Variants in FNIP1 observed in about 807,000 individuals in gnomAD.
The protein encoded by FNIP1 is folliculin-interacting protein 1.
Under a neutral mutation model 124.5 loss-of-function variants are expected in FNIP1, and 40 were observed. That is an observed-to-expected ratio of 0.32 (90% confidence interval 0.25 to 0.42). FNIP1 has a LOEUF of 0.42. Ranked by LOEUF, FNIP1 falls within the 10% of genes least tolerant of loss-of-function variation. FNIP1 has a pLI of 1.00. For synonymous variants in FNIP1, 472 were observed against 470.6 expected, an observed-to-expected ratio of 1.00 and a Z score of -0.04; for missense variants, 1,176 against 1,403.7, an observed-to-expected ratio of 0.84 and a Z score of 2.59.
At chr5:131,718,668 C>T (rs115300217) in intron 5 of FNIP1, among the ~76,000 whole-genome samples, 97 of 152,242 alleles carry the variant, frequency 6.4e-4, no homozygotes, top group African/African-American at 2.1e-3. Context: ...TGAAGAGCAC[C>T]AACCCTACAG....
chr5:131,658,804 G>A (rs185206469), intron 15 of FNIP1, among the ~76,000 whole-genome samples: 3 of 141,766 alleles, frequency 2.1e-5, no homozygotes, highest in African/African-American at 7.8e-5. Context: ...AAAGAACAAT[G>A]TACAATCAAA....
At chr5:131,661,920 T>C (rs1279377064) in intron 15 of FNIP1, among the ~76,000 whole-genome samples, 1 of 152,196 alleles carries the variant, frequency 6.6e-6, no homozygotes, top group Non-Finnish European at 1.5e-5. Context: ...TGGTGTACTT[T>C]TCGATGGGTC....
At chr5:131,794,818 A>G (rs1438180430) in intron 1 of FNIP1, among the ~76,000 whole-genome samples, 1 of 152,180 alleles carries the variant, frequency 6.6e-6, no homozygotes, top group Non-Finnish European at 1.5e-5. Flanking sequence ...AACAAACAAG[A>G]CAGACACAAG....
intron 11 of FNIP1, among the ~76,000 whole-genome samples, chr5:131,682,364 G>T (rs1415564728): frequency 6.6e-6 from 1 of 152,126 alleles, no homozygotes; most frequent in Non-Finnish European, 1.5e-5. Context: ...AGAAGGCAAA[G>T]AAATTAATTA....
intron 1 of FNIP1, among the ~76,000 whole-genome samples, chr5:131,789,974 CTT>C (rs1772349775): frequency 6.6e-6 from 1 of 152,234 alleles, no homozygotes. Context: ...TCCAGACTGA[CTT>C]TATTAAACTG....
intron 10 of FNIP1, among the ~76,000 whole-genome samples, chr5:131,699,837 A>G (rs1348702414): frequency 7.2e-5 from 10 of 139,420 alleles, no homozygotes; most frequent in African/African-American, 2.6e-4. Flanking sequence ...AATCGCTTGA[A>G]CCCAGAAGTC....
chr5:131,770,756 C>T lies in FNIP1; in HGVS notation c.93-26066G>A, dbSNP rs116276322. ...GGTATAGGGATAATGTTTCTCTCTTCAACCCTTAGAATGTGCATCACACAC... is the reference window on the plus strand; with the variant it reads ...GGTATAGGGATAATGTTTCTCTCTTTAACCCTTAGAATGTGCATCACACAC... On this transcript the variant is annotated intron_variant, in intron 1 of 17. Coordinates refer to ENST00000510461, the MANE Select transcript of FNIP1 (RefSeq NM_133372.3). Among the ~76,000 whole-genome samples the T allele has an allele frequency of 7.2e-3, 1,100 of 152,262 alleles. 16 individuals carry two copies. The highest frequency in any genetic ancestry group is 0.025 in the African/African-American group (1,057 of 41,540).
At chr5:131,774,786 C>A (rs1304685307) in intron 1 of FNIP1, among the ~76,000 whole-genome samples, 1 of 152,166 alleles carries the variant, frequency 6.6e-6, no homozygotes, top group Non-Finnish European at 1.5e-5. Flanking sequence ...AATATTTTAA[C>A]AAACACAGTC....
chr5:131,739,826 A>C (rs1022321519), intron 2 of FNIP1, among the ~76,000 whole-genome samples: 16 of 151,598 alleles, frequency 1.1e-4, no homozygotes, highest in East Asian at 5.8e-4. Flanking sequence ...AAAAAAAAAA[A>C]AAAAAAAAAA....
chr5:131,749,578 C>T (rs1383973965), intron 1 of FNIP1, among the ~76,000 whole-genome samples: 1 of 151,742 alleles, frequency 6.6e-6, no homozygotes, highest in African/African-American at 2.4e-5. Context: ...TTTTAGTAGA[C>T]ATGTGGTTCC....
At chr5:131,760,618 T>C (rs1771194947) in intron 1 of FNIP1, among the ~76,000 whole-genome samples, 2 of 152,162 alleles carry the variant, frequency 1.3e-5, no homozygotes, top group South Asian at 2.1e-4. Flanking sequence ...GGTAATTATC[T>C]GTACAGTGCC....
chr5:131,700,594 T>A (rs1199377118), intron 10 of FNIP1, among the ~76,000 whole-genome samples: 1 of 152,196 alleles, frequency 6.6e-6, no homozygotes, highest in African/African-American at 2.4e-5. Context: ...TATAAAGAAG[T>A]GAATATTATT....
At chr5:131,717,335 G>A (rs1434351832) in intron 5 of FNIP1, among the ~76,000 whole-genome samples, 1 of 152,096 alleles carries the variant, frequency 6.6e-6, no homozygotes, top group Non-Finnish European at 1.5e-5. Context: ...TTTTATGGCT[G>A]CATAGTAGTC....
In FNIP1 at chr5:131,697,579, C is replaced by T. The variant is rs192837612; in HGVS notation, c.1202+1338G>A. 1.5e-3 allele frequency among the ~76,000 whole-genome samples: 229 copies of T among 152,018 alleles called. 1 individual carries two copies. The highest frequency in any genetic ancestry group is 5.2e-3 in the African/African-American group (216 of 41,460). On this transcript the variant is annotated intron_variant, in intron 11 of 17. Coordinates refer to ENST00000510461, the MANE Select transcript of FNIP1 (RefSeq NM_133372.3). ...AGATGGTCAAATTTAAAGAGAAACA[C>T]TAAATTTAAAAAGTATACATGATAT...
At chr5:131,776,321 A>T (rs1233364971) in intron 1 of FNIP1, among the ~76,000 whole-genome samples, 1 of 152,258 alleles carries the variant, frequency 6.6e-6, no homozygotes, top group African/African-American at 2.4e-5. Flanking sequence ...TTAGGAATGC[A>T]ATGTGTGTAA....
chr5:131,766,878 CT>C (rs1373644166), intron 1 of FNIP1, among the ~76,000 whole-genome samples: 1 of 151,882 alleles, frequency 6.6e-6, no homozygotes, highest in Non-Finnish European at 1.5e-5. Flanking sequence ...TTTCCTCTGC[CT>C]TTTTTTTGTT....
intron 2 of FNIP1, among the ~76,000 whole-genome samples, chr5:131,743,060 T>C (rs1215773983): frequency 6.6e-6 from 1 of 152,146 alleles, no homozygotes; most frequent in African/African-American, 2.4e-5. Flanking sequence ...ACAGCTATGA[T>C]ATAGAAGGCT....
At chr5:131,738,144 T>C (rs1770377340) in intron 2 of FNIP1, among the ~76,000 whole-genome samples, 1 of 151,780 alleles carries the variant, frequency 6.6e-6, no homozygotes, top group African/African-American at 2.4e-5. Context: ...AGCAATCCTC[T>C]CACCTCACCA....
intron 11 of FNIP1, among the ~76,000 whole-genome samples, chr5:131,695,141 AAAT>A (rs1179859036): frequency 1.3e-5 from 2 of 151,098 alleles, no homozygotes; most frequent in African/African-American, 4.9e-5. Flanking sequence ...ATAAATAAAT[AAAT>A]AAATAAATAA....
Sources: allele counts gnomAD v4.1 joint callset (sites outside exome capture counted in the v4.1 genomes callset), GRCh38; gene constraint gnomAD v4.1.1; transcripts MANE v1.5; gene names NCBI Gene and HGNC (gene_info 2026-07-23, HGNC 2026-07-21).